Variants in AIRE observed in about 807,000 individuals in gnomAD.
AIRE encodes the protein autoimmune regulator.
Under a neutral mutation model 62.1 loss-of-function variants are expected in AIRE, and 52 were observed. The ratio of observed to expected loss-of-function variants is 0.84; its 90% confidence interval spans 0.67 to 1.06. The LOEUF is 1.06. AIRE is among the 50% of genes least tolerant of loss of function. The pLI is 0.00. For missense variants in AIRE, 774 were observed against 755.8 expected (o/e 1.02, Z -0.28); for synonymous variants, 342 against 321.6 (o/e 1.06, Z -0.68).
At chr21:44,296,514 C>A in intron 13 of AIRE, 69 bp downstream of exon 13, 4 of 1,462,254 alleles carry the variant, frequency 2.7e-6, no homozygotes, top group Non-Finnish European at 2.9e-6. Flanking sequence ...CACCCAGGCT[C>A]CCCACTCTGG....
chr21:44,286,977 G>C lies in AIRE; in HGVS notation c.308-1G>C, dbSNP rs764588340. On this transcript the variant is annotated splice_acceptor_variant, in intron 2 of 13. Transcript: ENST00000291582. LOFTEE classifies it high-confidence loss of function. This position sits in a 1 kb window ranked among gnomAD's most constrained non-coding sequence, Gnocchi z 6.0. ...ACCCTGCTCCTGCCCCTGAGCTGCA[G>C]ATGTGGACCTCAGCCAGCCCCGGAA... 1.9e-6 allele frequency: 3 copies of C among 1,612,814 alleles called. No homozygotes were observed. Among genetic ancestry groups the C allele is most frequent in the South Asian group, 2.2e-5 (2 of 91,082 alleles).
At position 44,286,434 on chromosome 21, in the gene AIRE, C is replaced by T. The variant is rs77492303; in HGVS notation, c.133-123C>T. The T allele has an allele frequency of 3.4e-4, 373 of 1,104,378 alleles. 3 individuals are homozygous for T. In the African/African-American group the frequency reaches 5.3e-3, roughly 16 times the overall value. The allele number at this position is 1,104,378 out of a possible 1,614,324, so 68.4% of individuals were successfully genotyped here. ...CTCCACCACAAGCCGAGGAGATGGG[C>T]GTGGAGCTGTCCAGGTCGCCAGCGC... On this transcript the variant is annotated intron_variant, in intron 1 of 13. Transcript: ENST00000291582. The surrounding 1 kb of genome is among the most constrained non-coding windows in gnomAD (Gnocchi z 6.0).
chr21:44,294,588 G>A, intron 12 of AIRE, 85 bp downstream of exon 12: 3 of 665,604 alleles, frequency 4.5e-6, no homozygotes, highest in Non-Finnish European at 7.0e-6. Flanking sequence ...ACATCTCAGG[G>A]CAGACCCTGG....
In AIRE at chr21:44,297,890, C is replaced by A; in HGVS notation, c.*163C>A. 1.4e-6 allele frequency: 1 copy of A among 703,458 alleles called. No individual in the cohort carries two copies. The highest frequency in any genetic ancestry group is 2.5e-6 in the Non-Finnish European group (1 of 400,960). 43.6% of individuals were successfully genotyped at this position (703,458 alleles called of 1,614,324 possible). ...CTGTGTTTCTGGGGACACCAGCCAT[C>A]ATGTGCCTGGAAATTAAACCCTGCC... On this transcript the variant is annotated 3_prime_UTR_variant, in exon 14 of 14. Transcript: ENST00000291582. This position sits in a 1 kb window ranked among gnomAD's most constrained non-coding sequence, Gnocchi z 4.8.
At position 44,286,210 on chromosome 21, in the gene AIRE, G is replaced by A; in HGVS notation, c.132+72G>A. 1 of 1,471,014 alleles carries A rather than the reference G, an allele frequency of 6.8e-7. No individual in the cohort carries two copies. Among genetic ancestry groups the A allele is most frequent in the South Asian group, 1.2e-5 (1 of 81,706 alleles). The allele number at this position is 1,471,014 out of a possible 1,614,324, so 91.1% of individuals were successfully genotyped here. A position where few individuals can be genotyped will look rare whatever the true frequency, so the allele number is the denominator to read the frequency against. ...GGGATAGTCCCCGGGGAAGTTCCAG[G>A]AGGACCCCGCCCCTCCAGATCCCCA... On this transcript the variant is annotated intron_variant, in intron 1 of 13. Transcript: ENST00000291582. The surrounding 1 kb of genome is among the most constrained non-coding windows in gnomAD (Gnocchi z 6.0).
At chr21:44,293,693 T>G in intron 10 of AIRE, 96 bp from the exon 11 acceptor site, 9 of 1,567,698 alleles carry the variant, frequency 5.7e-6, no homozygotes, top group South Asian at 1.1e-5. Context: ...CGTCCAGCCC[T>G]GGGTGGTCCC....
chr21:44,288,331 G>A lies in AIRE; in HGVS notation c.539-14G>A, dbSNP rs2040502732. The A allele has an allele frequency of 6.4e-6, 10 of 1,571,246 alleles. No individual in the cohort carries two copies. Among genetic ancestry groups the A allele is most frequent in the South Asian group, 5.5e-5 (5 of 90,352 alleles). ...TTCCCCACGGGTGACCCCAATGGGT[G>A]TTCCCTTTCCCAGGGATTCAGACCA... On this transcript the variant is annotated splice_polypyrimidine_tract_variant and intron_variant, in intron 4 of 13. Coordinates refer to ENST00000291582, the MANE Select transcript of AIRE (RefSeq NM_000383.4).
chr21:44,294,825 G>A (rs1054173876), intron 12 of AIRE, among the ~76,000 whole-genome samples: 3 of 152,106 alleles, frequency 2.0e-5, no homozygotes, highest in Admixed American at 6.5e-5. Context: ...GAGCGGGAGC[G>A]CCCGGCCTGC....
In AIRE at chr21:44,293,920, C is replaced by G; in HGVS notation, c.1400+10C>G. The G allele has an allele frequency of 6.3e-7, 1 of 1,596,042 alleles. No individual in the cohort carries two copies. Among genetic ancestry groups the G allele is most frequent in the Non-Finnish European group, 8.5e-7 (1 of 1,179,318 alleles). ...GCACCTCCCGGCCCGGGTGAGTGAG[C>G]GTGGTCGGCGGGGAGGCCTGAACCC... On this transcript the variant is annotated intron_variant, in intron 11 of 13. Coordinates refer to ENST00000291582, the MANE Select transcript of AIRE (RefSeq NM_000383.4).
At position 44,290,832 on chromosome 21, in the gene AIRE, C is replaced by T. The variant is rs369035241; in HGVS notation, c.880-263C>T. 32 of 1,571,434 alleles carry T rather than the reference C, an allele frequency of 2.0e-5. No homozygotes were observed. In the East Asian group the frequency reaches 3.1e-4, roughly 15 times the overall value. The stretch of plus-strand genomic sequence containing the variant: ...ATGTGGTTGGTGTACAGTTCCGGGG[C>T]CCCTGGAACGCAGCAGCCTGCAAGA... On this transcript the variant is annotated intron_variant, in intron 7 of 13. Transcript: ENST00000291582.
At position 44,294,340 on chromosome 21, in the gene AIRE, AC is replaced by A. The variant is rs2040583116; in HGVS notation, c.1401-57del. On this transcript the variant is annotated intron_variant, in intron 11 of 13. Transcript: ENST00000291582. ...CCCACGCCCACACCCCACACCCCAT[AC>A]CCCGGAGGTGGCACTCCTGCTCCCC... 5 of 1,143,976 alleles carry A rather than the reference AC, an allele frequency of 4.4e-6. No homozygotes were observed. The South Asian group carries it at 5.6e-5, about 13-fold the overall frequency. The allele number at this position is 1,143,976 out of a possible 1,614,324, so 70.9% of individuals were successfully genotyped here.
At chr21:44,292,099 C>T (rs756290641) in intron 8 of AIRE, among the ~76,000 whole-genome samples, 5 of 152,192 alleles carry the variant, frequency 3.3e-5, no homozygotes, top group South Asian at 2.1e-4. Context: ...ACCCTGATCA[C>T]GCTGGCCAGG....
chr21:44,290,863 G>C, intron 7 of AIRE: 7 of 1,602,370 alleles, frequency 4.4e-6, no homozygotes, highest in Non-Finnish European at 6.0e-6. Context: ...CAAGAAACCG[G>C]GTTTTCTTCC....
In AIRE at chr21:44,286,593, C is replaced by T; in HGVS notation, c.169C>T (p.Gln57Ter). The change falls in exon 2 of 14, where the codon CAG becomes TAG. Residue 57 changes from glutamine to a stop codon, truncating the protein, a stop_gained. Transcript: ENST00000291582. LOFTEE classifies it high-confidence loss of function. The surrounding 1 kb of genome is among the most constrained non-coding windows in gnomAD (Gnocchi z 6.0). ...TCTGAAGGAAAAGGAGGGCTGCCCC[C>T]AGGCCTTCCACGCCCTCCTGTCCTG... is the stretch of plus-strand genomic sequence containing the variant. ...LHLKEKEGCP[Q>*]AFHALLSWLL... 1.2e-6 allele frequency: 2 copies of T among 1,612,802 alleles called. No individual in the cohort carries two copies. Among genetic ancestry groups the T allele is most frequent in the South Asian group, 2.2e-5 (2 of 91,080 alleles).
intron 7 of AIRE, chr21:44,290,540 C>G: frequency 1.2e-6 from 1 of 816,432 alleles, no homozygotes. Flanking sequence ...TGACAGGAGC[C>G]AGTCCTGCCC....
In AIRE at chr21:44,287,633, A is replaced by T. The variant is rs772752444; in HGVS notation, c.538+42A>T. 4 of 1,456,274 alleles carry T rather than the reference A, an allele frequency of 2.7e-6. No homozygotes were observed. The African/African-American group carries it at 6.3e-5, about 23-fold the overall frequency. 90.2% of individuals were successfully genotyped at this position (1,456,274 alleles called of 1,614,324 possible). On this transcript the variant is annotated intron_variant, in intron 4 of 13. Coordinates refer to ENST00000291582, the MANE Select transcript of AIRE (RefSeq NM_000383.4). This position sits in a 1 kb window ranked among gnomAD's most constrained non-coding sequence, Gnocchi z 4.3. The stretch of plus-strand genomic sequence containing the variant: ...GGGAGCGCCTCCCTTCTCCCTGGCC[A>T]GGGGCAAGGGGTCAGGGGTCAGAGC...
chr21:44,286,473 C>T lies in AIRE; in HGVS notation c.133-84C>T. The T allele has an allele frequency of 2.7e-6, 4 of 1,456,716 alleles. No homozygotes were observed. In the South Asian group the frequency reaches 5.2e-5, roughly 19 times the overall value. 90.2% of individuals were successfully genotyped at this position (1,456,716 alleles called of 1,614,324 possible). A position where few individuals can be genotyped will look rare whatever the true frequency, so the allele number is the denominator to read the frequency against. Reference sequence around the variant, plus strand: ...GGTCGCCAGCGCCTCTGCCTGGGAGCTCCACCCTCTAGTCATGATGGAGAT... The same window carrying T: ...GGTCGCCAGCGCCTCTGCCTGGGAGTTCCACCCTCTAGTCATGATGGAGAT... On this transcript the variant is annotated intron_variant, in intron 1 of 13. Coordinates refer to ENST00000291582, the MANE Select transcript of AIRE (RefSeq NM_000383.4). The surrounding 1 kb of genome is among the most constrained non-coding windows in gnomAD (Gnocchi z 6.0).
At chr21:44,290,404 C>T in intron 7 of AIRE, 3 of 985,396 alleles carry the variant, frequency 3.0e-6, no homozygotes, top group Non-Finnish European at 3.6e-6. Flanking sequence ...GAATGCCATG[C>T]TCATCTTTCG....
chr21:44,288,459 GTAGA>G lies in AIRE; in HGVS notation c.652+2_652+5del. 6.3e-7 allele frequency: 1 copy of G among 1,592,044 alleles called. No homozygotes were observed. ...CTCATCCAGCAGGTGTTTGAGTCAGGTAGACGCTGTGGCGGGGAGATGGGGCTGA... is the reference window on the plus strand; with the variant it reads ...CTCATCCAGCAGGTGTTTGAGTCAGGCGCTGTGGCGGGGAGATGGGGCTGA... On this transcript the variant is annotated splice_donor_variant and splice_donor_5th_base_variant and intron_variant, in intron 5 of 13. Transcript: ENST00000291582. LOFTEE classifies it high-confidence loss of function.
Sources: allele counts gnomAD v4.1 joint callset (sites outside exome capture counted in the v4.1 genomes callset), GRCh38; gene constraint gnomAD v4.1.1; non-coding constraint Gnocchi (gnomAD v3.1); transcripts MANE v1.5; gene names NCBI Gene and HGNC (gene_info 2026-07-23, HGNC 2026-07-21).